Variants in SLC30A4 observed in about 807,000 individuals in gnomAD.
SLC30A4 encodes solute carrier family 30 member 4, also known as probable proton-coupled zinc antiporter SLC30A4.
Under a neutral mutation model 41.7 loss-of-function variants are expected in SLC30A4, and 20 were observed. That is an observed-to-expected ratio of 0.48 (90% CI 0.34 to 0.70). The LOEUF is 0.70. Among genes scored for constraint, SLC30A4 ranks in the 30% least tolerant of loss-of-function variants. SLC30A4 has a pLI of 0.01. For missense variants in SLC30A4, 441 were observed against 529.3 expected (o/e 0.83, Z 1.64); for synonymous variants, 181 against 195.9 (o/e 0.92, Z 0.64).
chr15:45,487,411 G>T, intron 6 of SLC30A4, 116 bp downstream of exon 6: 1 of 581,084 alleles, frequency 1.7e-6, no homozygotes, highest in South Asian at 2.3e-5. Flanking sequence ...CTGTTATATA[G>T]CCTAAAAGGT....
chr15:45,513,927 C>G (rs1892379062), intron 2 of SLC30A4: 2 of 152,426 alleles, frequency 1.3e-5, no homozygotes, highest in Admixed American at 6.5e-5. Flanking sequence ...CCATGCTTGT[C>G]AAAAATCAGA....
intron 3 of SLC30A4, among the ~76,000 whole-genome samples, chr15:45,510,099 CAAG>C (rs982438325): frequency 6.7e-6 from 1 of 149,756 alleles, no homozygotes; most frequent in Non-Finnish European, 1.5e-5. Context: ...GGCAACAGTG[CAAG>C]AAGATCACAC....
At chr15:45,503,537 A>T (rs1377560084) in intron 3 of SLC30A4, among the ~76,000 whole-genome samples, 1 of 151,974 alleles carries the variant, frequency 6.6e-6, no homozygotes, top group African/African-American at 2.4e-5. Flanking sequence ...AATCGCTTCA[A>T]TCTGGGAGGG....
At chr15:45,516,933 G>A (rs573050054) in intron 2 of SLC30A4, among the ~76,000 whole-genome samples, 2 of 152,104 alleles carry the variant, frequency 1.3e-5, no homozygotes, top group South Asian at 2.1e-4. Flanking sequence ...TCTGTTTATC[G>A]TATAAGAGAG....
At position 45,522,474 on chromosome 15, in the gene SLC30A4, G is replaced by A; in HGVS notation, c.-114-6C>T. The A allele has an allele frequency of 1.0e-6, 1 of 993,850 alleles. No homozygotes were observed. The highest frequency in any genetic ancestry group is 1.7e-5 in the South Asian group (1 of 57,466). 61.6% of individuals were successfully genotyped at this position (993,850 alleles called of 1,614,324 possible). A position where few individuals can be genotyped will look rare whatever the true frequency, so the allele number is the denominator to read the frequency against. ...GCCGCGCGTCCCTCCCCATCCTGTGGAAAACGAAACACGTTATAAATTAAA... is the reference window on the plus strand; with the variant it reads ...GCCGCGCGTCCCTCCCCATCCTGTGAAAAACGAAACACGTTATAAATTAAA... On this transcript the variant is annotated splice_polypyrimidine_tract_variant and splice_region_variant and intron_variant, in intron 1 of 7. Transcript: ENST00000261867.
At chr15:45,487,066 A>T (rs1891717596) in intron 6 of SLC30A4, among the ~76,000 whole-genome samples, 1 of 152,162 alleles carries the variant, frequency 6.6e-6, no homozygotes, top group Non-Finnish European at 1.5e-5. Flanking sequence ...ACATATAATG[A>T]TAATAAGCCT....
chr15:45,515,076 A>T (rs1892426318), intron 2 of SLC30A4, among the ~76,000 whole-genome samples: 1 of 150,556 alleles, frequency 6.6e-6, no homozygotes, highest in Non-Finnish European at 1.5e-5. Context: ...TATTAGAGAC[A>T]AGGTGTCACT....
intron 6 of SLC30A4, among the ~76,000 whole-genome samples, chr15:45,487,124 G>C (rs1408883778): frequency 6.6e-6 from 1 of 152,106 alleles, no homozygotes; most frequent in Non-Finnish European, 1.5e-5. Context: ...ATCAGTAAGG[G>C]AAGAATGCAG....
At chr15:45,496,603 G>T (rs543984134) in intron 3 of SLC30A4, among the ~76,000 whole-genome samples, 2 of 152,080 alleles carry the variant, frequency 1.3e-5, no homozygotes, top group African/African-American at 4.8e-5. Context: ...GGCCAGGTTG[G>T]TCTTAAACTC....
chr15:45,490,972 T>C, intron 3 of SLC30A4, 91 bp from the exon 4 acceptor site: 1 of 878,558 alleles, frequency 1.1e-6, no homozygotes, highest in Non-Finnish European at 1.7e-6. Flanking sequence ...TTTTATATTC[T>C]TTCCTCTAAG....
At chr15:45,486,251 G>A (rs1250664976) in intron 7 of SLC30A4, among the ~76,000 whole-genome samples, 4 of 152,126 alleles carry the variant, frequency 2.6e-5, no homozygotes, top group Non-Finnish European at 5.9e-5. Context: ...TCAAACTCCT[G>A]ACCTCAGGTG....
At chr15:45,517,019 T>A (rs1892499732) in intron 2 of SLC30A4, among the ~76,000 whole-genome samples, 1 of 152,188 alleles carries the variant, frequency 6.6e-6, no homozygotes, top group Non-Finnish European at 1.5e-5. Context: ...ACACTCTCAA[T>A]TAAGCATTTT....
intron 5 of SLC30A4, among the ~76,000 whole-genome samples, chr15:45,487,960 AGTGTGTGTGTGTGTGT>A (rs58392709): frequency 1.2e-4 from 17 of 139,668 alleles, no homozygotes; most frequent in South Asian, 7.1e-4. Flanking sequence ...GCTGGAAAAA[AGTGTGTGTGTGTGTGT>A]GTGTGTGTGT....
intron 3 of SLC30A4, among the ~76,000 whole-genome samples, chr15:45,507,343 A>AATAAATAC (rs1210359247): frequency 6.6e-6 from 1 of 150,452 alleles, no homozygotes; most frequent in East Asian, 1.9e-4. Context: ...TAAATAAATA[A>AATAAATAC]ATAAATAAAT....
Position 45,486,735 on chromosome 15 carries a change from G to T in SLC30A4, c.1011C>A (p.Ser337Arg). The T allele has an allele frequency of 6.5e-7, 1 of 1,533,714 alleles. No individual in the cohort carries two copies. The highest frequency in any genetic ancestry group is 1.3e-5 in the South Asian group (1 of 79,200). The change falls in exon 7 of 8, where the codon AGC becomes AGA. Residue 337 changes from serine (S) to arginine (R), a missense_variant. Physicochemically the swap from Ser to Arg is moderately radical, Grantham distance 110. Coordinates refer to ENST00000261867, the MANE Select transcript of SLC30A4 (RefSeq NM_013309.6). ...TVVIILEGVP[S>R]HLNVDYIKEA... ...CTTTGATATAGTCTACATTCAAATG[G>T]CTTGGCACACCTATTAGGAATATAT...
chr15:45,500,517 A>C (rs567155893), intron 3 of SLC30A4, among the ~76,000 whole-genome samples: 41 of 152,156 alleles, frequency 2.7e-4, no homozygotes, highest in Non-Finnish European at 5.9e-5. Flanking sequence ...AGGAAGAAAA[A>C]ATTCCCTTCT....
intron 3 of SLC30A4, among the ~76,000 whole-genome samples, chr15:45,497,637 T>C (rs559841613): frequency 6.6e-6 from 1 of 151,980 alleles, no homozygotes; most frequent in Admixed American, 6.6e-5. Flanking sequence ...AAAAAATAAA[T>C]AGGAGAAAAC....
chr15:45,506,231 TAATA>T (rs1429427084), intron 3 of SLC30A4, among the ~76,000 whole-genome samples: 1 of 151,934 alleles, frequency 6.6e-6, no homozygotes, highest in Non-Finnish European at 1.5e-5. Flanking sequence ...ATAAATAAAT[TAATA>T]AAATAAAATT....
intron 2 of SLC30A4, chr15:45,513,880 A>C (rs1395209996): frequency 6.6e-6 from 1 of 152,246 alleles, no homozygotes; most frequent in Non-Finnish European, 1.5e-5. Context: ...TTGACTGGAC[A>C]CTTGAAGCTT....
Sources: allele counts gnomAD v4.1 joint callset (sites outside exome capture counted in the v4.1 genomes callset), GRCh38; gene constraint gnomAD v4.1.1; transcripts MANE v1.5; gene names NCBI Gene and HGNC (gene_info 2026-07-23, HGNC 2026-07-21).